The following DMD variants were observed in gnomAD, a reference collection of about 807,000 sequenced individuals.
DMD encodes mutant dystrophin.
DMD carries 63 observed loss-of-function variants against 330.1 expected under a neutral mutation model. The observed-to-expected ratio is 0.19, with a 90% CI of 0.16 to 0.24. DMD has a LOEUF of 0.24. Among genes scored for constraint, DMD ranks in the 10% least tolerant of loss-of-function variants. DMD has a pLI of 1.00. For synonymous variants in DMD, 1,223 were observed against 959.8 expected, an observed-to-expected ratio of 1.27 and a Z score of -5.07; for missense variants, 3,344 against 2,684.1, an observed-to-expected ratio of 1.25 and a Z score of -5.43.
At chrX:32,559,283 C>A (rs2050728462) in intron 16 of DMD, among the ~76,000 whole-genome samples, 1 of 111,133 alleles carries the variant, frequency 9.0e-6, no homozygotes, top group Non-Finnish European at 1.9e-5. Context: ...AAACTTTAAC[C>A]TGAGGAATTA....
At chrX:31,415,967 A>G (rs1305403147) in intron 60 of DMD, among the ~76,000 whole-genome samples, 1 of 111,743 alleles carries the variant, frequency 8.9e-6, no homozygotes, top group Admixed American at 9.6e-5. Flanking sequence ...TGATCAGTTA[A>G]AGGGGTTACC....
At chrX:32,437,788 T>C (rs1228576166) in intron 29 of DMD, among the ~76,000 whole-genome samples, 2 of 112,794 alleles carry the variant, frequency 1.8e-5, no homozygotes, top group Non-Finnish European at 3.7e-5. Flanking sequence ...ACACCATGTG[T>C]GATATATGAA....
intron 12 of DMD, 152 bp from the exon 13 acceptor site, chrX:32,596,028 T>A (rs2055482539): frequency 3.0e-5 from 15 of 500,787 alleles, no homozygotes; most frequent in Non-Finnish European, 4.8e-5. Context: ...AATTTTCTGC[T>A]ATGACGCTCA....
At position 32,843,405 on chromosome X, in the gene DMD, C is replaced by T. The variant is rs376043967; in HGVS notation, c.264+1378G>A. 3.5e-4 allele frequency among the ~76,000 whole-genome samples: 39 copies of T among 111,903 alleles called. 1 individual carries two copies. The East Asian group carries it at 0.01, about 29-fold the overall frequency. ...CAAGAAAATCAGCTCATAGATTATT[C>T]TGGCTGCGGAGTGAAAAATCTAGTT... On this transcript the variant is annotated intron_variant, in intron 4 of 78. Transcript: ENST00000357033.
chrX:32,239,524 T>C (rs1342165316), intron 43 of DMD, among the ~76,000 whole-genome samples: 2 of 111,826 alleles, frequency 1.8e-5, no homozygotes, highest in Non-Finnish European at 3.8e-5. Context: ...TACATTGATA[T>C]ATCATTAACA....
chrX:32,563,309 C>G (rs1164076177), intron 16 of DMD, among the ~76,000 whole-genome samples: 1 of 96,400 alleles, frequency 1.0e-5, no homozygotes, highest in Admixed American at 1.2e-4. Flanking sequence ...TGCCACTGCA[C>G]TCCAGCCTGG....
At chrX:32,176,957 CTTA>C (rs1391335042) in intron 44 of DMD, among the ~76,000 whole-genome samples, 2 of 111,429 alleles carry the variant, frequency 1.8e-5, no homozygotes, top group Admixed American at 1.9e-4. Flanking sequence ...TTACTGATCA[CTTA>C]TTATTTTCCC....
At chrX:32,471,633 T>A (rs2040639462) in intron 22 of DMD, among the ~76,000 whole-genome samples, 1 of 112,068 alleles carries the variant, frequency 8.9e-6, no homozygotes, top group African/African-American at 3.2e-5. Flanking sequence ...GTATTAGGCA[T>A]TATAAGTAAT....
chrX:32,943,231 CAGAT>C (rs1412290368), intron 2 of DMD, among the ~76,000 whole-genome samples: 2 of 111,297 alleles, frequency 1.8e-5, no homozygotes, highest in Non-Finnish European at 3.8e-5. Flanking sequence ...GAATCATGTA[CAGAT>C]AATTTGATTA....
chrX:31,126,725 C>A (rs1305186262), intron 77 of DMD, 52 bp from the exon 78 acceptor site: 2 of 880,580 alleles, frequency 2.3e-6, no homozygotes, highest in Admixed American at 2.5e-5. Context: ...GGAAAAAAAA[C>A]ATGCATAAAT....
At chrX:32,755,192 A>G (rs752210588) in intron 7 of DMD, among the ~76,000 whole-genome samples, 3 of 110,802 alleles carry the variant, frequency 2.7e-5, no homozygotes, top group Non-Finnish European at 3.8e-5. Flanking sequence ...GGAGAGCTCA[A>G]TAATGAAAGC....
chrX:31,966,957 G>A (rs560062601), intron 45 of DMD, among the ~76,000 whole-genome samples: 207 of 109,440 alleles, frequency 1.9e-3, no homozygotes, highest in Non-Finnish European at 2.8e-3. Flanking sequence ...AATTCTCTCC[G>A]TATATATATA....
chrX:32,725,733 T>C (rs1354783492), intron 7 of DMD, among the ~76,000 whole-genome samples: 1 of 110,505 alleles, frequency 9.0e-6, no homozygotes, highest in Admixed American at 9.7e-5. Flanking sequence ...GGTTAATGGG[T>C]ACAAAAATTC....
At chrX:31,857,786 T>C (rs1375106554) in intron 48 of DMD, among the ~76,000 whole-genome samples, 1 of 109,760 alleles carries the variant, frequency 9.1e-6, no homozygotes, top group East Asian at 2.8e-4. Context: ...GTCAGATATA[T>C]ACAGAGAAGT....
chrX:32,732,970 C>G (rs377086986), intron 7 of DMD, among the ~76,000 whole-genome samples: 252 of 111,012 alleles, frequency 2.3e-3, no homozygotes, highest in Middle Eastern at 4.6e-3. Context: ...AGACTGGCAA[C>G]TTGGATAAAG....
intron 2 of DMD, among the ~76,000 whole-genome samples, chrX:32,951,021 G>T (rs1202478413): frequency 9.0e-6 from 1 of 111,340 alleles, no homozygotes. Context: ...CCAACTATTT[G>T]CCACTTTACA....
chrX:31,697,428 T>A (rs754251307), intron 52 of DMD, among the ~76,000 whole-genome samples: 113 of 111,161 alleles, frequency 1.0e-3, no homozygotes, highest in African/African-American at 3.6e-3. Context: ...AGTAAATAGA[T>A]GTTGGGTAAT....
At chrX:32,089,070 A>G (rs2096459050) in intron 44 of DMD, among the ~76,000 whole-genome samples, 1 of 111,503 alleles carries the variant, frequency 9.0e-6, no homozygotes, top group Non-Finnish European at 1.9e-5. Context: ...ATTGGAATTG[A>G]TGTGTAGTAA....
At chrX:33,196,833 A>G (rs2050965206) in intron 1 of DMD, among the ~76,000 whole-genome samples, 1 of 111,082 alleles carries the variant, frequency 9.0e-6, no homozygotes, top group African/African-American at 3.3e-5. Flanking sequence ...ATACTAGTTA[A>G]ATAAATATTG....
Sources: allele counts gnomAD v4.1 joint callset (sites outside exome capture counted in the v4.1 genomes callset), GRCh38; gene constraint gnomAD v4.1.1; transcripts MANE v1.5; gene names NCBI Gene and HGNC (gene_info 2026-07-23, HGNC 2026-07-21).